The following GNAQ variants were observed in gnomAD, a reference collection of about 807,000 sequenced individuals.
The protein encoded by GNAQ is G protein subunit alpha q, also known as guanine nucleotide-binding protein G(q) subunit alpha.
Under a neutral mutation model 43.9 loss-of-function variants are expected in GNAQ, and 8 were observed. That is an observed-to-expected ratio of 0.18 (90% CI 0.11 to 0.33). The LOEUF (loss-of-function observed/expected upper bound fraction) is 0.33, where lower values mean the gene tolerates loss of function less well. Ranked by LOEUF, GNAQ falls within the 10% of genes least tolerant of loss-of-function variation. GNAQ has a pLI of 1.00. For synonymous variants in GNAQ, 155 were observed against 170.7 expected (o/e 0.91, Z 0.71); for missense variants, 158 against 450.8 (o/e 0.35, Z 5.88).
In GNAQ at chr9:78,007,041, C is replaced by G. The variant is rs80319939; in HGVS notation, c.136+24059G>C. 4.6e-3 allele frequency among the ~76,000 whole-genome samples: 707 copies of G among 152,306 alleles called. 5 individuals are homozygous for G. Among genetic ancestry groups the G allele is most frequent in the African/African-American group, 0.016 (654 of 41,560 alleles). On this transcript the variant is annotated intron_variant, in intron 1 of 6. Transcript: ENST00000286548. ...TCCCACTGTGCAATCTAGGGCTATTCTGATGACTGGTTCTACATTCAGAAG... is the reference window on the plus strand; with the variant it reads ...TCCCACTGTGCAATCTAGGGCTATTGTGATGACTGGTTCTACATTCAGAAG...
intron 6 of GNAQ, among the ~76,000 whole-genome samples, chr9:77,724,814 G>T (rs1344893404): frequency 6.6e-6 from 1 of 151,756 alleles, no homozygotes; most frequent in Non-Finnish European, 1.5e-5. Context: ...TAAGAGGGCT[G>T]GCATCATATT....
At chr9:77,880,267 T>C (rs1345356703) in intron 2 of GNAQ, among the ~76,000 whole-genome samples, 4 of 152,190 alleles carry the variant, frequency 2.6e-5, no homozygotes, top group African/African-American at 4.8e-5. Context: ...CTTTAGTGTT[T>C]AGGAATTTGT....
intron 1 of GNAQ, among the ~76,000 whole-genome samples, chr9:77,994,123 C>G (rs961602302): frequency 1.3e-5 from 2 of 152,136 alleles, no homozygotes; most frequent in Non-Finnish European, 2.9e-5. Flanking sequence ...CTCAAGTGAT[C>G]CTCCCACCTC....
intron 2 of GNAQ, among the ~76,000 whole-genome samples, chr9:77,911,605 CA>C (rs1374893072): frequency 3.9e-5 from 6 of 151,912 alleles, no homozygotes; most frequent in Admixed American, 2.0e-4. Flanking sequence ...TCATAAAACA[CA>C]AAAAAAGAAA....
chr9:77,892,363 C>T (rs1303367141), intron 2 of GNAQ, among the ~76,000 whole-genome samples: 1 of 152,164 alleles, frequency 6.6e-6, no homozygotes, highest in Non-Finnish European at 1.5e-5. Flanking sequence ...CAGCTCTGCC[C>T]ACAACCACTG....
At position 77,897,583 on chromosome 9, in the gene GNAQ, C is replaced by G. The variant is rs139628488; in HGVS notation, c.321+24578G>C. Among the ~76,000 whole-genome samples the G allele has an allele frequency of 7.1e-3, 1,083 of 152,348 alleles. 19 individuals carry two copies. The highest frequency in any genetic ancestry group is 0.024 in the African/African-American group (1,007 of 41,590). ...TTGCCCTTCAGCACTGGGCTCCTGCCATGGGCTGATGAGCCTCCAAAGCAG... is the reference window on the plus strand; with the variant it reads ...TTGCCCTTCAGCACTGGGCTCCTGCGATGGGCTGATGAGCCTCCAAAGCAG... On this transcript the variant is annotated intron_variant, in intron 2 of 6. Coordinates refer to ENST00000286548, the MANE Select transcript of GNAQ (RefSeq NM_002072.5).
At chr9:77,889,958 C>A (rs1422425239) in intron 2 of GNAQ, among the ~76,000 whole-genome samples, 2 of 152,178 alleles carry the variant, frequency 1.3e-5, no homozygotes, top group Non-Finnish European at 2.9e-5. Context: ...TACATGCAAA[C>A]ATTCTATAAT....
intron 1 of GNAQ, among the ~76,000 whole-genome samples, chr9:78,006,105 T>C (rs1268658877): frequency 6.6e-6 from 1 of 152,168 alleles, no homozygotes; most frequent in Admixed American, 6.6e-5. Context: ...ATAATGCTAT[T>C]GATTTAAATG....
chr9:77,842,523 G>A (rs1323541694), intron 2 of GNAQ, among the ~76,000 whole-genome samples: 1 of 152,168 alleles, frequency 6.6e-6, no homozygotes, highest in African/African-American at 2.4e-5. Flanking sequence ...GATACTTGTT[G>A]AATTCTGATT....
chr9:77,811,584 C>G (rs1233299143), intron 3 of GNAQ, among the ~76,000 whole-genome samples: 1 of 152,160 alleles, frequency 6.6e-6, no homozygotes, highest in African/African-American at 2.4e-5. Flanking sequence ...GTTCCTGGAG[C>G]ATCTGCAGTG....
chr9:77,728,169 A>G (rs1825429431), intron 6 of GNAQ, among the ~76,000 whole-genome samples: 1 of 151,976 alleles, frequency 6.6e-6, no homozygotes, highest in South Asian at 2.1e-4. Flanking sequence ...TAATTTTTAT[A>G]TTTTTAGTAG....
At chr9:78,012,947 C>T (rs1369735299) in intron 1 of GNAQ, among the ~76,000 whole-genome samples, 2 of 152,110 alleles carry the variant, frequency 1.3e-5, no homozygotes, top group Non-Finnish European at 2.9e-5. Context: ...TTAAAGATCA[C>T]ATTGGCTGCA....
chr9:77,934,182 C>T (rs529386466), intron 1 of GNAQ, among the ~76,000 whole-genome samples: 2 of 152,128 alleles, frequency 1.3e-5, no homozygotes, highest in East Asian at 1.9e-4. Context: ...GACAACGATC[C>T]GCACATAGCC....
intron 1 of GNAQ, among the ~76,000 whole-genome samples, chr9:77,991,931 G>A (rs1208968173): frequency 6.6e-6 from 1 of 152,166 alleles, no homozygotes; most frequent in Admixed American, 6.5e-5. Context: ...GTATTCCATG[G>A]TGTATATATG....
At chr9:77,841,878 C>A (rs527570339) in intron 2 of GNAQ, among the ~76,000 whole-genome samples, 1 of 152,116 alleles carries the variant, frequency 6.6e-6, no homozygotes, top group African/African-American at 2.4e-5. Context: ...TAAGGTAAAA[C>A]GCTTCTATTC....
chr9:78,009,392 G>C (rs1276874011), intron 1 of GNAQ, among the ~76,000 whole-genome samples: 3 of 152,196 alleles, frequency 2.0e-5, no homozygotes, highest in Non-Finnish European at 2.9e-5. Flanking sequence ...TACGACAGGA[G>C]AGTGTGCCAT....
At chr9:77,934,228 C>T (rs1454192814) in intron 1 of GNAQ, among the ~76,000 whole-genome samples, 1 of 151,660 alleles carries the variant, frequency 6.6e-6, no homozygotes, top group East Asian at 1.9e-4. Context: ...AGCGAATTGG[C>T]CTGGATGACC....
At chr9:78,028,313 AAATATAT>A (rs1363907413) in intron 1 of GNAQ, among the ~76,000 whole-genome samples, 11 of 152,168 alleles carry the variant, frequency 7.2e-5, no homozygotes, top group African/African-American at 1.7e-4. Context: ...GTTAAAATAA[AAATATAT>A]AATATATAAG....
At chr9:77,919,118 C>G (rs1303007861) in intron 2 of GNAQ, among the ~76,000 whole-genome samples, 2 of 152,148 alleles carry the variant, frequency 1.3e-5, no homozygotes, top group Non-Finnish European at 2.9e-5. Flanking sequence ...CAGGATTTCA[C>G]CATGCTAGCC....
Sources: gnomAD v4.1 joint callset for allele counts (sites outside exome capture counted in the v4.1 genomes callset) on GRCh38, gnomAD v4.1.1 for gene constraint, MANE v1.5 for transcripts, NCBI Gene and HGNC (gene_info 2026-07-23, HGNC 2026-07-21) for gene names.